The following ZFPM2 variants were observed in gnomAD, a reference collection of about 807,000 sequenced individuals.
The protein encoded by ZFPM2 is zinc finger protein, FOG family member 2.
In ZFPM2, 20 loss-of-function variants were observed where a neutral mutation model predicts 98.6. The observed-to-expected ratio is 0.20, with a 90% CI of 0.14 to 0.29. The LOEUF (loss-of-function observed/expected upper bound fraction) is 0.29, where lower values mean the gene tolerates loss of function less well. Among genes scored for constraint, ZFPM2 ranks in the 10% least tolerant of loss-of-function variants. The pLI, the probability that ZFPM2 is intolerant of heterozygous loss-of-function variation, is 1.00. For missense variants in ZFPM2, 1,310 were observed against 1,388.6 expected (o/e 0.94, Z 0.90); for synonymous variants, 518 against 502.7 (o/e 1.03, Z -0.41).
rs1355875943 is a variant in ZFPM2 at position 105,803,233 on chromosome 8, G to T, written c.3151G>T (p.Asp1051Tyr). The T allele has an allele frequency of 1.2e-6, 2 of 1,608,828 alleles. No individual in the cohort carries two copies. Among genetic ancestry groups the T allele is most frequent in the Non-Finnish European group, 1.7e-6 (2 of 1,176,714 alleles). ...MVIVNGGLKQ[D>Y]ERPAANPQQE... is the part of the protein sequence containing the mutation. The stretch of plus-strand genomic sequence containing the variant: ...AATAGTGAATGGTGGACTGAAACAA[G>T]ATGAGAGACCTGCTGCCAACCCACA... Residue 1051 changes from aspartate (D) to tyrosine (Y), a missense_variant, in exon 8 of 8, where the codon GAT becomes TAT. Asp to Tyr is a radical substitution (Grantham distance 160, BLOSUM62 -3). Transcript: ENST00000407775.
At chr8:105,787,704 G>A (rs1453579119) in intron 5 of ZFPM2, 1 of 151,670 alleles carries the variant, frequency 6.6e-6, no homozygotes, top group Non-Finnish European at 1.5e-5. Flanking sequence ...CTTAATGAGT[G>A]CAATACACAG....
intron 2 of ZFPM2, among the ~76,000 whole-genome samples, chr8:105,429,524 T>C (rs1445396824): frequency 2.0e-5 from 3 of 151,424 alleles, no homozygotes; most frequent in Non-Finnish European, 4.4e-5. Flanking sequence ...CCAAGCTTCC[T>C]TATGGTAATG....
intron 6 of ZFPM2, among the ~76,000 whole-genome samples, chr8:105,792,703 T>C (rs1439829808): frequency 6.6e-6 from 1 of 152,218 alleles, no homozygotes; most frequent in South Asian, 2.1e-4. Flanking sequence ...TCTCCCATTA[T>C]TAACGTGTGG....
chr8:105,727,085 C>A (rs976436279), intron 5 of ZFPM2, among the ~76,000 whole-genome samples: 17 of 151,390 alleles, frequency 1.1e-4, no homozygotes, highest in African/African-American at 3.9e-4. Flanking sequence ...TTATGAGGAG[C>A]CTGTCTTAGA....
chr8:105,550,097 T>G (rs1377886913), intron 3 of ZFPM2, among the ~76,000 whole-genome samples: 1 of 152,190 alleles, frequency 6.6e-6, no homozygotes, highest in African/African-American at 2.4e-5. Context: ...TCTGAAATTT[T>G]TGGGACAGAA....
intron 1 of ZFPM2, among the ~76,000 whole-genome samples, chr8:105,339,993 T>C (rs1420770209): frequency 1.3e-5 from 2 of 152,018 alleles, no homozygotes; most frequent in Admixed American, 6.6e-5. Context: ...TTTGAAAATA[T>C]TGTATTTTCG....
chr8:105,388,292 A>G (rs1554600325), intron 1 of ZFPM2, among the ~76,000 whole-genome samples: 8 of 152,204 alleles, frequency 5.3e-5, no homozygotes. Flanking sequence ...GTGACAGTAA[A>G]AAAGGAAAGA....
intron 3 of ZFPM2, among the ~76,000 whole-genome samples, chr8:105,495,027 A>G (rs73304105): frequency 0.051 from 7,787 of 152,256 alleles, 685 homozygotes; most frequent in African/African-American, 0.18. Flanking sequence ...TTAAACATAT[A>G]AAAACTACTC....
chr8:105,788,334 C>G (rs1476426525), intron 5 of ZFPM2, among the ~76,000 whole-genome samples: 1 of 152,068 alleles, frequency 6.6e-6, no homozygotes. Flanking sequence ...AGAATAACTC[C>G]AAATGCTCAT....
chr8:105,571,279 T>G (rs990053949), intron 4 of ZFPM2, among the ~76,000 whole-genome samples: 14 of 152,212 alleles, frequency 9.2e-5, no homozygotes, highest in African/African-American at 3.4e-4. Flanking sequence ...AACAGAATCA[T>G]GAAGGCCTAA....
chr8:105,661,002 G>A (rs1817377593), intron 5 of ZFPM2, among the ~76,000 whole-genome samples: 1 of 152,120 alleles, frequency 6.6e-6, no homozygotes, highest in South Asian at 2.1e-4. Context: ...AGGTGGGCTG[G>A]GGACCAGGTA....
intron 5 of ZFPM2, among the ~76,000 whole-genome samples, chr8:105,644,586 T>C (rs887781882): frequency 2.0e-5 from 3 of 152,088 alleles, no homozygotes; most frequent in Admixed American, 6.6e-5. Context: ...TGTTTCTCTC[T>C]TTCTCCTCTA....
At chr8:105,674,574 A>G (rs1817654133) in intron 5 of ZFPM2, among the ~76,000 whole-genome samples, 1 of 152,158 alleles carries the variant, frequency 6.6e-6, no homozygotes, top group Admixed American at 6.6e-5. Context: ...TTGGCATCAT[A>G]TTTTTAAAAG....
rs548417436 is a variant in ZFPM2, at chr8:105,385,840, G to A, written c.41-33304G>A. On this transcript the variant is annotated intron_variant, in intron 1 of 7. Transcript: ENST00000407775. ...CCTCCTCTCTATTCTTGAGCTGAAT[G>A]TGCAGGGGTGAAAAGAAATGTTGGC... Among the ~76,000 whole-genome samples, 5 of 152,252 alleles carry A rather than the reference G, an allele frequency of 3.3e-5. No individual in the cohort carries two copies. The South Asian group carries it at 6.2e-4, about 19-fold the overall frequency.
intron 5 of ZFPM2, among the ~76,000 whole-genome samples, chr8:105,635,927 C>G (rs995691103): frequency 1.3e-5 from 2 of 151,810 alleles, no homozygotes; most frequent in African/African-American, 4.8e-5. Context: ...GATTTTTTTT[C>G]AGATTGGAAT....
chr8:105,548,882 C>T (rs1233097171), intron 3 of ZFPM2, among the ~76,000 whole-genome samples: 1 of 152,150 alleles, frequency 6.6e-6, no homozygotes, highest in Non-Finnish European at 1.5e-5. Flanking sequence ...CAGTATTCAG[C>T]ATTGTGACTG....
At chr8:105,643,396 T>C (rs1816982670) in intron 5 of ZFPM2, among the ~76,000 whole-genome samples, 1 of 152,092 alleles carries the variant, frequency 6.6e-6, no homozygotes. Context: ...CTAATCACTT[T>C]CTTAGACTCC....
intron 1 of ZFPM2, among the ~76,000 whole-genome samples, chr8:105,321,962 A>G (rs1367068004): frequency 6.6e-6 from 1 of 152,114 alleles, no homozygotes; most frequent in Admixed American, 6.5e-5. Context: ...ACAGTGATAA[A>G]TTATGTATTT....
chr8:105,575,989 A>G (rs373294378), intron 4 of ZFPM2, among the ~76,000 whole-genome samples: 22 of 152,340 alleles, frequency 1.4e-4, no homozygotes, highest in African/African-American at 4.8e-4. Flanking sequence ...CTGCATTTAA[A>G]AAATACACAT....
Sources: allele counts gnomAD v4.1 joint callset (sites outside exome capture counted in the v4.1 genomes callset), GRCh38; gene constraint gnomAD v4.1.1; transcripts MANE v1.5; gene names NCBI Gene and HGNC (gene_info 2026-07-23, HGNC 2026-07-21).